The following ROCK2 variants were observed in gnomAD, a reference collection of about 807,000 sequenced individuals.
ROCK2 encodes the protein rho-associated protein kinase 2.
In ROCK2, 61 loss-of-function variants were observed where a neutral mutation model predicts 195.1. That is an observed-to-expected ratio of 0.31 (90% confidence interval 0.25 to 0.39). ROCK2 has a LOEUF of 0.39. ROCK2 is among the 10% of genes least tolerant of loss of function. ROCK2 has a pLI of 1.00. For missense variants in ROCK2, 1,109 were observed against 1,637.4 expected, an observed-to-expected ratio of 0.68 and a Z score of 5.57; for synonymous variants, 504 against 545.5, an observed-to-expected ratio of 0.92 and a Z score of 1.06.
chr2:11,233,186 C>T (rs1339782508), intron 5 of ROCK2, among the ~76,000 whole-genome samples: 1 of 152,128 alleles, frequency 6.6e-6, no homozygotes, highest in Non-Finnish European at 1.5e-5. Flanking sequence ...TACACTCCAG[C>T]CTGGGCAATA....
chr2:11,225,594 C>T (rs1664782090), intron 6 of ROCK2, among the ~76,000 whole-genome samples: 1 of 152,038 alleles, frequency 6.6e-6, no homozygotes, highest in African/African-American at 2.4e-5. Flanking sequence ...CCTGCCTCAG[C>T]CTCCTGAAGA....
chr2:11,206,828 T>C (rs930275268), intron 20 of ROCK2, among the ~76,000 whole-genome samples: 26 of 152,240 alleles, frequency 1.7e-4, no homozygotes, highest in Non-Finnish European at 1.5e-4. Context: ...AGGAAGCTAT[T>C]ACTGCTCCCT....
chr2:11,215,274 G>C (rs371765013), intron 15 of ROCK2, 47 bp downstream of exon 15: 30 of 1,466,790 alleles, frequency 2.0e-5, no homozygotes, highest in Middle Eastern at 4.1e-4. Context: ...ATGTTATCGC[G>C]TTAAAAATAA....
At chr2:11,195,630 T>C (rs1663605543) in intron 27 of ROCK2, among the ~76,000 whole-genome samples, 1 of 152,190 alleles carries the variant, frequency 6.6e-6, no homozygotes. Context: ...TTCTCCTAAC[T>C]TGGCTTCCCA....
At chr2:11,214,077 G>T (rs916912984) in intron 17 of ROCK2, among the ~76,000 whole-genome samples, 2 of 152,096 alleles carry the variant, frequency 1.3e-5, no homozygotes, top group Non-Finnish European at 2.9e-5. Flanking sequence ...GTTATGAGTC[G>T]AAATTTGAGT....
chr2:11,325,175 A>G (rs948400621), intron 1 of ROCK2, among the ~76,000 whole-genome samples: 1 of 152,162 alleles, frequency 6.6e-6, no homozygotes, highest in Admixed American at 6.5e-5. Context: ...TTTTTTTCCA[A>G]TAAGTACAGT....
intron 18 of ROCK2, among the ~76,000 whole-genome samples, chr2:11,209,321 T>C (rs1239195017): frequency 2.6e-5 from 4 of 152,178 alleles, no homozygotes; most frequent in Admixed American, 1.3e-4. Flanking sequence ...ATCTCCAGAA[T>C]AGGGATAACA....
chr2:11,248,604 G>T (rs1665706662), intron 4 of ROCK2, among the ~76,000 whole-genome samples: 1 of 147,498 alleles, frequency 6.8e-6, no homozygotes, highest in Non-Finnish European at 1.5e-5. Flanking sequence ...AGCTATTCGA[G>T]AGACTGAGGC....
rs1325175849 is a variant in ROCK2 at position 11,198,582 on chromosome 2, A to C, written c.3008T>G (p.Leu1003Arg). 1 of 1,612,654 alleles carries C rather than the reference A, an allele frequency of 6.2e-7. No homozygotes were observed. Among genetic ancestry groups the C allele is most frequent in the African/African-American group, 1.3e-5 (1 of 75,010 alleles). Residue 1003 changes from leucine to arginine, a missense_variant, in exon 25 of 33, where the codon CTG (leucine) becomes CGG (arginine). Physicochemically the swap from Leu to Arg is moderately radical, Grantham distance 102. Around this residue, in one of 6 missense-constraint regions of ROCK2, gnomAD observed 542 missense variants for 672.0 expected, o/e 0.81. Transcript: ENST00000315872. The part of the protein sequence containing the change: ...NNKLKDVQEQ[L>R]SRLKDEEISA... ...TATTTCTTCATCTTTCAATCTTGACAGTTCTGAAACATGGAAAAAAGTTAA... is the reference window on the plus strand; with the variant it reads ...TATTTCTTCATCTTTCAATCTTGACCGTTCTGAAACATGGAAAAAAGTTAA...
rs1028409356 is a variant in ROCK2, at chr2:11,211,569, T to C, written c.2203+112A>G. 2.9e-6 allele frequency: 3 copies of C among 1,027,904 alleles called. No individual in the cohort carries two copies. In the Admixed American group the frequency reaches 7.9e-5, roughly 27 times the overall value. The allele number at this position is 1,027,904 out of a possible 1,614,324, so 63.7% of individuals were successfully genotyped here. ...CCCTAATAGTTTTTTTCCCTCCAAT[T>C]CCCAATATTTGACAATGAAATATAA... On this transcript the variant is annotated intron_variant, in intron 18 of 32. Transcript: ENST00000315872.
intron 6 of ROCK2, among the ~76,000 whole-genome samples, chr2:11,226,717 G>C (rs1438133463): frequency 1.3e-5 from 2 of 151,912 alleles, no homozygotes; most frequent in Middle Eastern, 6.8e-3. Context: ...TTTGAAACTA[G>C]CCTGGGCAAC....
chr2:11,340,194 C>A (rs749684807), intron 1 of ROCK2, among the ~76,000 whole-genome samples: 6 of 152,102 alleles, frequency 3.9e-5, no homozygotes, highest in Admixed American at 6.5e-5. Flanking sequence ...ATACTGTGTA[C>A]TCCCAAAAAT....
chr2:11,195,231 A>G, intron 27 of ROCK2: 1 of 323,062 alleles, frequency 3.1e-6, no homozygotes, highest in Non-Finnish European at 5.6e-6. Flanking sequence ...GTTATATCAT[A>G]TTGGAAACAG....
chr2:11,273,883 T>C (rs9967898), intron 3 of ROCK2, among the ~76,000 whole-genome samples: 132,054 of 148,822 alleles, frequency 0.89, 58,741 homozygotes, highest in East Asian at 0.99. Flanking sequence ...GAGCCGAGGT[T>C]GCGCCACTGC....
chr2:11,321,151 T>A (rs888956948), intron 1 of ROCK2, among the ~76,000 whole-genome samples: 1 of 152,092 alleles, frequency 6.6e-6, no homozygotes, highest in Non-Finnish European at 1.5e-5. Flanking sequence ...TTTACCGGCA[T>A]AACAAAGCAA....
intron 32 of ROCK2, among the ~76,000 whole-genome samples, chr2:11,187,449 C>T (rs902620258): frequency 2.0e-5 from 3 of 152,280 alleles, no homozygotes; most frequent in South Asian, 2.1e-4. Context: ...CAGTACTATT[C>T]GTGATTCCAG....
intron 1 of ROCK2, chr2:11,308,009 G>A (rs1232482962): frequency 1.3e-5 from 20 of 1,541,428 alleles, no homozygotes; most frequent in Middle Eastern, 2.3e-4. Flanking sequence ...AGGAGGGGAC[G>A]GGGTGGGGAC....
chr2:11,274,282 CACAACAACA>C lies in ROCK2; in HGVS notation c.324+12248_324+12256del, dbSNP rs532976220. 4.2e-4 allele frequency among the ~76,000 whole-genome samples: 63 copies of C among 151,192 alleles called. 1 individual carries two copies. The highest frequency in any genetic ancestry group is 2.1e-4 in the South Asian group (1 of 4,808). On this transcript the variant is annotated intron_variant, in intron 3 of 32. Transcript: ENST00000315872. ...ATTAGAGCAAAGATAAAACAGAGAACACAACAACAACAACAACAACAACAAAATCAATGA... is the reference window on the plus strand; with the variant it reads ...ATTAGAGCAAAGATAAAACAGAGAACACAACAACAACAACAAAATCAATGA...
intron 1 of ROCK2, among the ~76,000 whole-genome samples, chr2:11,300,282 G>A (rs1382093914): frequency 2.0e-5 from 3 of 152,088 alleles, no homozygotes; most frequent in Admixed American, 6.5e-5. Context: ...GTTTTTCTGA[G>A]ACGGAGTTTC....
Sources: gnomAD v4.1 joint callset for allele counts (sites outside exome capture counted in the v4.1 genomes callset) on GRCh38, gnomAD v4.1.1 for gene constraint, gnomAD v4.1.1 regional missense constraint, MANE v1.5 for transcripts, NCBI Gene and HGNC (gene_info 2026-07-23, HGNC 2026-07-21) for gene names.